Variants in TDP1 observed in about 807,000 individuals in gnomAD.
TDP1 encodes the protein tyrosyl-DNA phosphodiesterase 1.
TDP1 carries 64 observed loss-of-function variants against 81.5 expected under a neutral mutation model. That is an observed-to-expected ratio of 0.79 (90% CI 0.64 to 0.97). The LOEUF (loss-of-function observed/expected upper bound fraction) is 0.97. TDP1 is among the 50% of genes least tolerant of loss of function. The pLI is 0.00. For missense variants in TDP1, 723 were observed against 743.8 expected (o/e 0.97, Z 0.33); for synonymous variants, 256 against 264.3 (o/e 0.97, Z 0.30).
chr14:90,040,032 A>AC (rs1173204978), intron 16 of TDP1, among the ~76,000 whole-genome samples: 1 of 152,214 alleles, frequency 6.6e-6, no homozygotes, highest in African/African-American at 2.4e-5. Flanking sequence ...CAGAAGAGGC[A>AC]CACAGTATGA....
chr14:90,019,360 G>A lies in TDP1; in HGVS notation c.1586G>A (p.Gly529Asp). The change falls in exon 15 of 17, where the codon GGC (glycine) becomes GAC (aspartate). Residue 529 changes from glycine to aspartate, a missense_variant. Physicochemically the swap from Gly to Asp is moderately conservative, Grantham distance 94. Transcript: ENST00000335725. The part of the protein sequence containing the change: ...KAAWGALEKN[G>D]TQLMIRSYEL... ...GCCTGGGGAGCATTGGAGAAGAATG[G>A]CACCCAGCTGATGATCCGCTCCTAC... is the stretch of plus-strand genomic sequence containing the variant. 6.2e-7 allele frequency: 1 copy of A among 1,613,372 alleles called. No individual in the cohort carries two copies. The highest frequency in any genetic ancestry group is 1.1e-5 in the South Asian group (1 of 91,082).
chr14:89,982,992 G>A (rs544796038), intron 8 of TDP1: 330 of 394,216 alleles, frequency 8.4e-4, no homozygotes, highest in Non-Finnish European at 1.4e-3. Flanking sequence ...AAAGCTCACA[G>A]TAAAGAATAA....
chr14:89,975,933 T>A, intron 7 of TDP1, 118 bp downstream of exon 7: 2 of 818,008 alleles, frequency 2.4e-6, no homozygotes, highest in East Asian at 4.9e-5. Context: ...ACAGCGATGC[T>A]TAACTGAGCC....
intron 15 of TDP1, among the ~76,000 whole-genome samples, chr14:90,028,337 G>A (rs145264970): frequency 3.3e-5 from 5 of 152,298 alleles, no homozygotes; most frequent in African/African-American, 1.2e-4. Context: ...TTGCTACTCG[G>A]ATAGCTGCAA....
chr14:90,018,055 T>TAG (rs1040338453), intron 14 of TDP1, among the ~76,000 whole-genome samples: 2 of 150,190 alleles, frequency 1.3e-5, no homozygotes, highest in African/African-American at 2.5e-5. Flanking sequence ...TCTGTTCCCA[T>TAG]AGAACCCTTA....
chr14:89,961,618 A>G (rs1052953058), intron 2 of TDP1, among the ~76,000 whole-genome samples: 7 of 152,136 alleles, frequency 4.6e-5, no homozygotes, highest in Non-Finnish European at 1.0e-4. Context: ...GGGAGGGGAT[A>G]TAACAGGCAT....
Position 89,989,710 on chromosome 14 carries a change from T to G in TDP1, c.1318-7T>G. 1.2e-6 allele frequency: 2 copies of G among 1,605,670 alleles called. No individual in the cohort carries two copies. Among genetic ancestry groups the G allele is most frequent in the Non-Finnish European group, 1.7e-6 (2 of 1,172,538 alleles). The stretch of plus-strand genomic sequence containing the variant: ...TCCGAGTTTTATTGTTTTCCTCTTA[T>G]TTTTAGATCTATCCTTCTGTGGAAA... On this transcript the variant is annotated splice_polypyrimidine_tract_variant and splice_region_variant and intron_variant, in intron 11 of 16. Transcript: ENST00000335725.
intron 14 of TDP1, chr14:90,018,931 A>G (rs1031548957): frequency 2.1e-6 from 2 of 968,540 alleles, no homozygotes; most frequent in Non-Finnish European, 2.5e-6. Flanking sequence ...ATACTACTAC[A>G]TAAGATAATA....
intron 14 of TDP1, among the ~76,000 whole-genome samples, chr14:89,997,902 G>T (rs889989651): frequency 1.3e-5 from 2 of 151,914 alleles, no homozygotes; most frequent in Non-Finnish European, 2.9e-5. Flanking sequence ...CACTTTTCTA[G>T]GTGCTAAGAA....
intron 6 of TDP1, among the ~76,000 whole-genome samples, chr14:89,975,127 G>A (rs1425764895): frequency 6.6e-6 from 1 of 152,202 alleles, no homozygotes; most frequent in Non-Finnish European, 1.5e-5. Context: ...CCAGGCTGGA[G>A]TGCAGTGGCG....
rs185802309 is a variant in TDP1, at chr14:89,981,909, C to T, written c.884+1277C>T. On this transcript the variant is annotated intron_variant, in intron 8 of 16. Coordinates refer to ENST00000335725, the MANE Select transcript of TDP1 (RefSeq NM_018319.4). ...GCCTAGTTGCCAAGTGATCCGCCTG[C>T]CTCAGCCTCCCAAAGTGCTGAGATT... 2.3e-4 allele frequency among the ~76,000 whole-genome samples: 34 copies of T among 150,954 alleles called. No homozygotes were observed. The South Asian group carries it at 5.6e-3, about 25-fold the overall frequency.
At chr14:90,023,053 G>C in intron 15 of TDP1, 2 of 763,310 alleles carry the variant, frequency 2.6e-6, no homozygotes, top group Non-Finnish European at 4.8e-6. Context: ...GAGAATAAAG[G>C]ATGAAGTGGA....
At chr14:89,987,899 G>T (rs1875300001) in intron 10 of TDP1, among the ~76,000 whole-genome samples, 1 of 151,986 alleles carries the variant, frequency 6.6e-6, no homozygotes, top group Admixed American at 6.6e-5. Context: ...AAATATGGGG[G>T]TAGCCTCAGA....
chr14:89,984,748 T>C (rs1895367506), intron 9 of TDP1, 65 bp downstream of exon 9: 1 of 1,605,026 alleles, frequency 6.2e-7, no homozygotes, highest in African/African-American at 1.3e-5. Flanking sequence ...CCTCATGAGG[T>C]CTGGCATGCA....
At chr14:89,995,253 CAT>C (rs947041255) in intron 14 of TDP1, among the ~76,000 whole-genome samples, 14 of 152,158 alleles carry the variant, frequency 9.2e-5, no homozygotes, top group African/African-American at 3.1e-4. Context: ...GGTGAGCAAT[CAT>C]GTGTATTTAC....
At chr14:90,006,703 A>AT (rs1897726458) in intron 14 of TDP1, among the ~76,000 whole-genome samples, 1 of 151,732 alleles carries the variant, frequency 6.6e-6, no homozygotes. Context: ...AGCCTGGCTA[A>AT]TTTTTTTGTG....
rs368658204 is a variant in TDP1 at position 89,966,129 on chromosome 14, T to A, written c.560-18T>A. 1.3e-6 allele frequency: 2 copies of A among 1,558,180 alleles called. No homozygotes were observed. The highest frequency in any genetic ancestry group is 2.2e-5 in the East Asian group (1 of 44,636). On this transcript the variant is annotated intron_variant, in intron 3 of 16. Coordinates refer to ENST00000335725, the MANE Select transcript of TDP1 (RefSeq NM_018319.4). ...GATTTTTGTGAGTGTGAATTTGATA[T>A]ATGTTTTGTCTTCTCAGATATTTTA...
intron 16 of TDP1, 141 bp from the exon 17 acceptor site, chr14:90,042,929 G>A: frequency 2.6e-6 from 4 of 1,540,392 alleles, no homozygotes; most frequent in Admixed American, 1.9e-5. Flanking sequence ...GTCTGAAGGG[G>A]GAGAATCTTC....
intron 14 of TDP1, among the ~76,000 whole-genome samples, chr14:90,011,437 G>C (rs1224515686): frequency 6.6e-6 from 1 of 152,190 alleles, no homozygotes; most frequent in East Asian, 1.9e-4. Flanking sequence ...TAGAGACTTG[G>C]AGGGCTCAGA....
Sources: allele counts gnomAD v4.1 joint callset (sites outside exome capture counted in the v4.1 genomes callset), GRCh38; gene constraint gnomAD v4.1.1; transcripts MANE v1.5; gene names NCBI Gene and HGNC (gene_info 2026-07-23, HGNC 2026-07-21).